Variants in ZDHHC15 observed in about 807,000 individuals in gnomAD.
ZDHHC15 encodes the protein palmitoyltransferase ZDHHC15.
A neutral mutation model predicts 31.7 loss-of-function variants in ZDHHC15; 19 were observed. That is an observed-to-expected ratio of 0.60 (90% CI 0.42 to 0.88). The LOEUF (loss-of-function observed/expected upper bound fraction) is 0.88, where lower values mean the gene tolerates loss of function less well. ZDHHC15 is among the 40% of genes least tolerant of loss of function. The pLI is 0.00. For missense variants in ZDHHC15, 209 were observed against 251.2 expected, an observed-to-expected ratio of 0.83 and a Z score of 1.14; for synonymous variants, 103 against 90.0, an observed-to-expected ratio of 1.14 and a Z score of -0.82.
chrX:75,478,067 G>A (rs2084634228), intron 3 of ZDHHC15, among the ~76,000 whole-genome samples: 3 of 111,027 alleles, frequency 2.7e-5, no homozygotes, highest in Non-Finnish European at 5.7e-5. Flanking sequence ...TTACTACTTT[G>A]GAACCTACCC....
At chrX:75,484,623 CA>C (rs2084748661) in intron 2 of ZDHHC15, among the ~76,000 whole-genome samples, 2 of 111,726 alleles carry the variant, frequency 1.8e-5, no homozygotes, top group African/African-American at 6.5e-5. Context: ...TATAGGAAAG[CA>C]AAATGGTAGA....
At chrX:75,373,408 C>T (rs908730735) in intron 11 of ZDHHC15, among the ~76,000 whole-genome samples, 10 of 111,567 alleles carry the variant, frequency 9.0e-5, no homozygotes, top group Middle Eastern at 4.7e-3. Context: ...CTAGTTTACT[C>T]ATCTGTAAAA....
intron 3 of ZDHHC15, among the ~76,000 whole-genome samples, chrX:75,478,286 C>T (rs1405631310): frequency 8.9e-6 from 1 of 111,809 alleles, no homozygotes; most frequent in African/African-American, 3.3e-5. Flanking sequence ...ATCACTGGTA[C>T]TAAAATAGTA....
intron 4 of ZDHHC15, among the ~76,000 whole-genome samples, chrX:75,433,960 G>A (rs1371878457): frequency 5.4e-5 from 6 of 110,728 alleles, no homozygotes; most frequent in Non-Finnish European, 1.1e-4. Context: ...TTCCCACCAG[G>A]AGTGTAAAAG....
chrX:75,472,955 G>T (rs1429226696), intron 3 of ZDHHC15, among the ~76,000 whole-genome samples: 1 of 112,150 alleles, frequency 8.9e-6, no homozygotes, highest in East Asian at 2.8e-4. Flanking sequence ...AATGGGCAGA[G>T]GTTTTTCCTC....
rs185813293 is a variant in ZDHHC15, at chrX:75,412,452, A to G, written c.967+4635T>C. On this transcript the variant is annotated intron_variant, in intron 10 of 11. Coordinates refer to ENST00000373367, the MANE Select transcript of ZDHHC15 (RefSeq NM_144969.3). ...ATTATTATTCTTTTTTTTTTTTGAC[A>G]CGGAAGTATCACTCCGTTGCCCAGG... 3.5e-3 allele frequency among the ~76,000 whole-genome samples: 384 copies of G among 109,276 alleles called. 3 individuals carry two copies. Among genetic ancestry groups the G allele is most frequent in the African/African-American group, 0.012 (365 of 29,966 alleles). The allele number at this position is 109,276 out of a possible 115,157, so 94.9% of individuals were successfully genotyped here.
chrX:75,418,208 G>T (rs2083571350), intron 9 of ZDHHC15, among the ~76,000 whole-genome samples: 1 of 111,534 alleles, frequency 9.0e-6, no homozygotes, highest in Non-Finnish European at 1.9e-5. Flanking sequence ...TTATAGACAG[G>T]TTAGTTGGAT....
At chrX:75,463,877 C>A (rs2084361576) in intron 3 of ZDHHC15, among the ~76,000 whole-genome samples, 1 of 111,885 alleles carries the variant, frequency 8.9e-6, no homozygotes, top group African/African-American at 3.2e-5. Flanking sequence ...GACAGTGTGG[C>A]CATTCCTCAA....
chrX:75,504,798 A>G (rs1251456385), intron 2 of ZDHHC15, among the ~76,000 whole-genome samples: 1 of 111,773 alleles, frequency 8.9e-6, no homozygotes, highest in Non-Finnish European at 1.9e-5. Context: ...ATGCATACGA[A>G]TAAGAGGCAA....
At chrX:75,421,757 G>C in intron 9 of ZDHHC15, 107 bp downstream of exon 9, 1 of 846,835 alleles carries the variant, frequency 1.2e-6, no homozygotes, top group South Asian at 3.6e-5. Flanking sequence ...TTGGGGAATA[G>C]AGTTTCACAC....
intron 4 of ZDHHC15, among the ~76,000 whole-genome samples, chrX:75,437,675 C>A (rs1449827966): frequency 9.5e-6 from 1 of 105,635 alleles, no homozygotes; most frequent in Non-Finnish European, 1.9e-5. Flanking sequence ...TTTTCTTAAT[C>A]CAGTCTATCA....
intron 10 of ZDHHC15, among the ~76,000 whole-genome samples, chrX:75,414,817 G>A (rs1443009912): frequency 1.9e-5 from 2 of 106,488 alleles, no homozygotes; most frequent in African/African-American, 6.8e-5. Context: ...CCAGGGTAGA[G>A]TGCAGTGGCA....
chrX:75,488,886 G>A (rs1448164757), intron 2 of ZDHHC15, among the ~76,000 whole-genome samples: 1 of 111,942 alleles, frequency 8.9e-6, no homozygotes, highest in African/African-American at 3.2e-5. Context: ...TGGAAAATCG[G>A]GTCACTCCCA....
rs990911764 is a variant in ZDHHC15, at chrX:75,372,155, T to A, written c.*823A>T. Reference sequence around the variant, plus strand: ...GGCTAAAATAAAACTAGGAAGCAGATAAATGAATAAAAGTAATTGGAGAAT... The same window carrying A: ...GGCTAAAATAAAACTAGGAAGCAGAAAAATGAATAAAAGTAATTGGAGAAT... On this transcript the variant is annotated 3_prime_UTR_variant, in exon 12 of 12. Coordinates refer to ENST00000373367, the MANE Select transcript of ZDHHC15 (RefSeq NM_144969.3). 1 of 112,115 alleles carries A rather than the reference T, an allele frequency of 8.9e-6. No homozygotes were observed. Among genetic ancestry groups the A allele is most frequent in the African/African-American group, 3.2e-5 (1 of 30,901 alleles). 9.2% of individuals were successfully genotyped at this position (112,115 alleles called of 1,213,427 possible). A position where few individuals can be genotyped will look rare whatever the true frequency, so the allele number is the denominator to read the frequency against.
intron 10 of ZDHHC15, among the ~76,000 whole-genome samples, chrX:75,407,347 T>C (rs1299994462): frequency 9.0e-6 from 1 of 111,145 alleles, no homozygotes; most frequent in Non-Finnish European, 1.9e-5. Flanking sequence ...CCACCCCGTC[T>C]GGGAAGTGAG....
chrX:75,509,441 C>G (rs766411833), intron 1 of ZDHHC15, among the ~76,000 whole-genome samples: 2 of 111,961 alleles, frequency 1.8e-5, no homozygotes, highest in Non-Finnish European at 3.8e-5. Context: ...CCACATGTGG[C>G]TAGTGGCTAC....
intron 2 of ZDHHC15, among the ~76,000 whole-genome samples, chrX:75,486,430 T>C (rs2084778672): frequency 8.9e-6 from 1 of 112,028 alleles, no homozygotes; most frequent in Non-Finnish European, 1.9e-5. Flanking sequence ...TAATTTCAAC[T>C]GAGCATAAAT....
chrX:75,454,460 G>A (rs2147919818), intron 3 of ZDHHC15, among the ~76,000 whole-genome samples: 1 of 111,835 alleles, frequency 8.9e-6, no homozygotes, highest in Non-Finnish European at 1.9e-5. Context: ...GTAATGGGAT[G>A]GCTAGGTCAA....
At chrX:75,421,411 A>AAT (rs376298533) in intron 9 of ZDHHC15, among the ~76,000 whole-genome samples, 1 of 26,089 alleles carries the variant, frequency 3.8e-5, no homozygotes, top group African/African-American at 3.2e-4. Flanking sequence ...ATATATATAT[A>AAT]ATATATATAT....
Sources: allele counts gnomAD v4.1 joint callset (sites outside exome capture counted in the v4.1 genomes callset), GRCh38; gene constraint gnomAD v4.1.1; transcripts MANE v1.5; gene names NCBI Gene and HGNC (gene_info 2026-07-23, HGNC 2026-07-21).